The following ZDHHC21 variants were observed in gnomAD, a reference collection of about 807,000 sequenced individuals.
ZDHHC21 encodes zDHHC palmitoyltransferase 21, also known as palmitoyltransferase ZDHHC21.
A neutral mutation model predicts 34.6 loss-of-function variants in ZDHHC21; 15 were observed. The observed-to-expected ratio is 0.43, with a 90% CI of 0.29 to 0.67. The LOEUF (loss-of-function observed/expected upper bound fraction) is 0.67. Among genes scored for constraint, ZDHHC21 ranks in the 30% least tolerant of loss-of-function variants. The pLI is 0.14. For synonymous variants in ZDHHC21, 142 were observed against 101.8 expected (o/e 1.40, Z -2.38); for missense variants, 344 against 327.7 (o/e 1.05, Z -0.38).
At chr9:14,690,241 G>C (rs978012819) in intron 2 of ZDHHC21, 96 bp downstream of exon 2, 28 of 409,110 alleles carry the variant, frequency 6.8e-5, no homozygotes, top group African/African-American at 5.9e-4. Context: ...TGGGGGGTTG[G>C]GGGTAGAAGA....
At chr9:14,660,195 G>A (rs998353026) in intron 6 of ZDHHC21, among the ~76,000 whole-genome samples, 2 of 151,766 alleles carry the variant, frequency 1.3e-5, no homozygotes, top group Non-Finnish European at 1.5e-5. Flanking sequence ...GTGACAACCC[G>A]TCTCTGCTAA....
chr9:14,604,351 C>G, the ZDHHC21 span, among the ~76,000 whole-genome samples: 1 of 151,882 alleles, frequency 6.6e-6, no homozygotes. Context: ...ATGAATGGCC[C>G]AAATCTACAT....
the ZDHHC21 span, among the ~76,000 whole-genome samples, chr9:14,603,238 AATGT>A: frequency 6.6e-6 from 1 of 152,174 alleles, no homozygotes; most frequent in Non-Finnish European, 1.5e-5. Flanking sequence ...GACAGAAAAT[AATGT>A]ATTAAACTCC....
intron 5 of ZDHHC21, among the ~76,000 whole-genome samples, chr9:14,670,102 A>G (rs1564361151): frequency 6.6e-6 from 1 of 152,046 alleles, no homozygotes; most frequent in Admixed American, 6.6e-5. Context: ...GCGCTCCACA[A>G]CGAGCCAATT....
Position 14,613,643 on chromosome 9 carries a change from C to A in ZDHHC21, c.*5323G>T, listed in dbSNP as rs1272671503. 6.6e-6 allele frequency: 1 copy of A among 151,790 alleles called. No individual in the cohort carries two copies. The highest frequency in any genetic ancestry group is 2.4e-5 in the African/African-American group (1 of 41,420). 9.4% of individuals were successfully genotyped at this position (151,790 alleles called of 1,614,324 possible). A position where few individuals can be genotyped will look rare whatever the true frequency, so the allele number is the denominator to read the frequency against. On this transcript the variant is annotated 3_prime_UTR_variant, in exon 10 of 10. Transcript: ENST00000380916. Reference sequence around the variant, plus strand: ...TTGAACTGTTATAAGAACGACATTACATGTTACAGATATTCAAAATACCAA... The same window carrying A: ...TTGAACTGTTATAAGAACGACATTAAATGTTACAGATATTCAAAATACCAA...
intron 2 of ZDHHC21, among the ~76,000 whole-genome samples, chr9:14,690,105 G>T (rs1410435938): frequency 6.6e-6 from 1 of 152,146 alleles, no homozygotes; most frequent in African/African-American, 2.4e-5. Context: ...AAAACCTTCA[G>T]ATACAGTAAA....
At chr9:14,647,046 G>C (rs1587095676) in intron 7 of ZDHHC21, among the ~76,000 whole-genome samples, 1 of 152,128 alleles carries the variant, frequency 6.6e-6, no homozygotes, top group African/African-American at 2.4e-5. Context: ...ACAGAGAAAA[G>C]TATCTACAAG....
chr9:14,677,339 G>C (rs764318884), intron 3 of ZDHHC21: 1 of 151,868 alleles, frequency 6.6e-6, no homozygotes. Flanking sequence ...TCTCAATTGG[G>C]TCGTAGAACA....
At chr9:14,640,283 G>C (rs1387860391) in intron 7 of ZDHHC21, among the ~76,000 whole-genome samples, 1 of 118,686 alleles carries the variant, frequency 8.4e-6, no homozygotes, top group Non-Finnish European at 1.7e-5. Flanking sequence ...AGTTAGCCTT[G>C]TTTGTTTTTT....
chr9:14,639,238 T>G (rs1828863213), intron 8 of ZDHHC21, among the ~76,000 whole-genome samples: 1 of 152,038 alleles, frequency 6.6e-6, no homozygotes, highest in Non-Finnish European at 1.5e-5. Flanking sequence ...GTCATTATGT[T>G]AAATGAAACA....
At chr9:14,597,387 G>A in the ZDHHC21 span, among the ~76,000 whole-genome samples, 1 of 152,104 alleles carries the variant, frequency 6.6e-6, no homozygotes, top group Non-Finnish European at 1.5e-5. Context: ...CTACATCCCA[G>A]GGAATGGACA....
chr9:14,690,570 T>C (rs975932565), intron 1 of ZDHHC21, among the ~76,000 whole-genome samples, 185 bp from the exon 2 acceptor site: 1 of 152,116 alleles, frequency 6.6e-6, no homozygotes, highest in African/African-American at 2.4e-5. Context: ...AGAAGGTTAA[T>C]CTACCCTGAG....
rs1322483416 is a variant in ZDHHC21 at position 14,615,432 on chromosome 9, T to C, written c.*3534A>G. On this transcript the variant is annotated 3_prime_UTR_variant, in exon 10 of 10. Coordinates refer to ENST00000380916, the MANE Select transcript of ZDHHC21 (RefSeq NM_178566.6). ...CGTATTATGTTCTCTATTTCATTAT[T>C]AAAAATAAACCATGCTTTTTTTCTG... The C allele has an allele frequency of 1.3e-5, 2 of 151,802 alleles. No homozygotes were observed. Among genetic ancestry groups the C allele is most frequent in the Non-Finnish European group, 3.0e-5 (2 of 67,762 alleles). 9.4% of individuals were successfully genotyped at this position (151,802 alleles called of 1,614,324 possible). A position where few individuals can be genotyped will look rare whatever the true frequency, so the allele number is the denominator to read the frequency against.
chr9:14,682,106 C>T (rs4469559), intron 2 of ZDHHC21, among the ~76,000 whole-genome samples: 142,278 of 152,210 alleles, frequency 0.93, 66,559 homozygotes, highest in Non-Finnish European at 0.96. Context: ...GTAAAGACCA[C>T]AGATGCTAGG....
chr9:14,649,059 C>G (rs1257728493), intron 7 of ZDHHC21, among the ~76,000 whole-genome samples: 1 of 151,896 alleles, frequency 6.6e-6, no homozygotes, highest in Non-Finnish European at 1.5e-5. Flanking sequence ...GAACATTTAG[C>G]AGAATCCCTG....
intron 7 of ZDHHC21, among the ~76,000 whole-genome samples, chr9:14,648,259 A>C (rs1033542650): frequency 1.3e-5 from 2 of 152,122 alleles, no homozygotes; most frequent in Non-Finnish European, 2.9e-5. Flanking sequence ...GTATTTTAGC[A>C]GCCTAGTAGC....
chr9:14,651,638 T>C (rs1564296504), intron 7 of ZDHHC21, among the ~76,000 whole-genome samples: 2 of 151,968 alleles, frequency 1.3e-5, no homozygotes, highest in Admixed American at 6.6e-5. Context: ...AAAATATTCA[T>C]GGATAAACAT....
chr9:14,687,856 T>C (rs889865435), intron 2 of ZDHHC21, among the ~76,000 whole-genome samples: 1 of 150,944 alleles, frequency 6.6e-6, no homozygotes, highest in Non-Finnish European at 1.5e-5. Flanking sequence ...CCAATTTTTT[T>C]TCCACAGTGC....
chr9:14,636,800 T>A (rs1194714162), intron 8 of ZDHHC21, among the ~76,000 whole-genome samples: 1 of 152,136 alleles, frequency 6.6e-6, no homozygotes, highest in African/African-American at 2.4e-5. Context: ...ACGTGGTTCT[T>A]AACAACCAGT....
Sources: gnomAD v4.1 joint callset for allele counts (sites outside exome capture counted in the v4.1 genomes callset) on GRCh38, gnomAD v4.1.1 for gene constraint, MANE v1.5 for transcripts, NCBI Gene and HGNC (gene_info 2026-07-23, HGNC 2026-07-21) for gene names.